Variants in RBFOX3 observed in about 807,000 individuals in gnomAD.
The protein encoded by RBFOX3 is RNA binding fox-1 homolog 3, also known as RNA binding protein fox-1 homolog 3.
A neutral mutation model predicts 48.7 loss-of-function variants in RBFOX3; 17 were observed. The observed-to-expected ratio is 0.35, with a 90% CI of 0.24 to 0.52. The LOEUF is 0.52. Ranked by LOEUF, RBFOX3 falls within the 20% of genes least tolerant of loss-of-function variation. RBFOX3 has a pLI of 0.94. For missense variants in RBFOX3, 382 were observed against 497.5 expected, an observed-to-expected ratio of 0.77 and a Z score of 2.21; for synonymous variants, 212 against 209.5, an observed-to-expected ratio of 1.01 and a Z score of -0.10.
In RBFOX3 at chr17:79,242,031, C is replaced by T. The variant is rs575942811; in HGVS notation, c.-73-6226G>A. ...CACACACAGCTTCCACGTATTCACTCGATTCTTTGCTTTCTTTCCTTCCAT... is the reference window on the plus strand; with the variant it reads ...CACACACAGCTTCCACGTATTCACTTGATTCTTTGCTTTCTTTCCTTCCAT... On this transcript the variant is annotated intron_variant, in intron 3 of 14. Coordinates refer to ENST00000693108, the MANE Select transcript of RBFOX3 (RefSeq NM_001350451.2). This position sits in a 1 kb window ranked among gnomAD's most constrained non-coding sequence, Gnocchi z 5.8. 3.9e-5 allele frequency among the ~76,000 whole-genome samples: 6 copies of T among 152,212 alleles called. No homozygotes were observed. The highest frequency in any genetic ancestry group is 7.2e-5 in the African/African-American group (3 of 41,440).
rs1448893621 is a variant in RBFOX3, at chr17:79,421,809, G to A, written c.-175+60645C>T. Among the ~76,000 whole-genome samples the A allele has an allele frequency of 1.3e-5, 2 of 152,278 alleles. No homozygotes were observed. Among genetic ancestry groups the A allele is most frequent in the East Asian group, 1.9e-4 (1 of 5,154 alleles). ...AGGCCTTGGGACAAGGGCAGAGAGA[G>A]AGAAGGGGAAGGAAGTGATCAGGTG... On this transcript the variant is annotated intron_variant, in intron 2 of 14. Coordinates refer to ENST00000693108, the MANE Select transcript of RBFOX3 (RefSeq NM_001350451.2). This position sits in a 1 kb window ranked among gnomAD's most constrained non-coding sequence, Gnocchi z 4.5.
chr17:79,500,535 G>T (rs1021132298), intron 1 of RBFOX3, among the ~76,000 whole-genome samples: 9 of 152,172 alleles, frequency 5.9e-5, no homozygotes, highest in Admixed American at 5.2e-4. Context: ...GGGATTAGAG[G>T]CATGAGCCAC....
At chr17:79,612,094 C>T (rs1004350851), upstream of RBFOX3, among the ~76,000 whole-genome samples, 3 of 152,204 alleles carry the variant, frequency 2.0e-5, no homozygotes, top group East Asian at 5.8e-4. Flanking sequence ...CAGCCCACCA[C>T]TGGCACACAA....
At chr17:79,611,170 CTCT>C (rs2093964409), upstream of RBFOX3, among the ~76,000 whole-genome samples, 2 of 29,818 alleles carry the variant, frequency 6.7e-5, no homozygotes, top group African/African-American at 2.6e-4. Context: ...CTCTCTCTCT[CTCT>C]CCGCCCTCCT....
At chr17:79,127,410 G>C (rs1382287974) in intron 4 of RBFOX3, among the ~76,000 whole-genome samples, 1 of 152,242 alleles carries the variant, frequency 6.6e-6, no homozygotes, top group Admixed American at 6.5e-5. Flanking sequence ...AGGGAGGAGA[G>C]GAGGTGGGAA....
At chr17:79,342,313 C>T (rs1433903297) in intron 2 of RBFOX3, among the ~76,000 whole-genome samples, 2 of 152,212 alleles carry the variant, frequency 1.3e-5, no homozygotes, top group African/African-American at 4.8e-5. Context: ...CCAACAACTG[C>T]ACTTTTAGAG....
chr17:79,357,344 G>C (rs2085352303), intron 2 of RBFOX3, among the ~76,000 whole-genome samples: 1 of 152,242 alleles, frequency 6.6e-6, no homozygotes, highest in Non-Finnish European at 1.5e-5. Context: ...AACTCTGAAA[G>C]AGGCTGGGAG....
rs971558113 is a variant in RBFOX3, at chr17:79,212,047, C to T, written c.-34+23719G>A. On this transcript the variant is annotated intron_variant, in intron 4 of 14. Transcript: ENST00000693108. The surrounding 1 kb of genome is among the most constrained non-coding windows in gnomAD (Gnocchi z 4.7). ...GGTCTCCTGGGGTCTTGGAAGACAA[C>T]CAGCCAGCACCCTCCCTCCTGGAGT... 1.3e-5 allele frequency among the ~76,000 whole-genome samples: 2 copies of T among 152,328 alleles called. No homozygotes were observed. The highest frequency in any genetic ancestry group is 1.9e-4 in the East Asian group (1 of 5,180).
the RBFOX3 span, among the ~76,000 whole-genome samples, chr17:79,618,532 T>C: frequency 6.6e-6 from 1 of 152,144 alleles, no homozygotes; most frequent in South Asian, 2.1e-4. Context: ...TCTGCAGAAG[T>C]AGAGTCCTTG....
intron 3 of RBFOX3, among the ~76,000 whole-genome samples, chr17:79,279,351 A>G (rs896936177): frequency 3.9e-5 from 6 of 152,180 alleles, no homozygotes; most frequent in Non-Finnish European, 7.3e-5. Flanking sequence ...TCCCTCCTCC[A>G]GTGCTTACAT....
At chr17:79,190,814 TG>T (rs1198490298) in intron 4 of RBFOX3, among the ~76,000 whole-genome samples, 2 of 152,028 alleles carry the variant, frequency 1.3e-5, no homozygotes, top group Non-Finnish European at 2.9e-5. Context: ...GACCAAAACT[TG>T]TAGAGCAAAG....
intron 1 of RBFOX3, among the ~76,000 whole-genome samples, chr17:79,608,131 G>C (rs910658520): frequency 1.3e-5 from 2 of 152,182 alleles, no homozygotes; most frequent in Non-Finnish European, 1.5e-5. Flanking sequence ...TGGAGGCCCC[G>C]GCCCTGTCCT....
At position 79,529,967 on chromosome 17, in the gene RBFOX3, G is replaced by A. The variant is rs554076901; in HGVS notation, c.-319-47369C>T. Reference sequence around the variant, plus strand: ...CAGCCACGTGGCTCTGAGAGGCTGAGACCATCTGGCCTGCCAGGCCTGGAA... The same window carrying A: ...CAGCCACGTGGCTCTGAGAGGCTGAAACCATCTGGCCTGCCAGGCCTGGAA... On this transcript the variant is annotated intron_variant, in intron 1 of 14. Coordinates refer to ENST00000693108, the MANE Select transcript of RBFOX3 (RefSeq NM_001350451.2). Among the ~76,000 whole-genome samples the A allele has an allele frequency of 1.6e-4, 25 of 152,346 alleles. No homozygotes were observed. In the East Asian group the frequency reaches 4.3e-3, roughly 26 times the overall value.
At chr17:79,276,946 C>G (rs1298713847) in intron 3 of RBFOX3, among the ~76,000 whole-genome samples, 1 of 152,182 alleles carries the variant, frequency 6.6e-6, no homozygotes, top group African/African-American at 2.4e-5. Context: ...AGCCAGCTCC[C>G]TGTGGCTCTA....
At chr17:79,384,085 A>G (rs982606585) in intron 2 of RBFOX3, among the ~76,000 whole-genome samples, 2 of 152,204 alleles carry the variant, frequency 1.3e-5, no homozygotes, top group Non-Finnish European at 2.9e-5. Context: ...CCACATGCCC[A>G]CAGCAAGGAG....
chr17:79,102,856 G>A (rs1214680250), intron 8 of RBFOX3, among the ~76,000 whole-genome samples: 2 of 152,218 alleles, frequency 1.3e-5, no homozygotes, highest in South Asian at 4.1e-4. Context: ...CCTTGAAGCT[G>A]CCAAGCCCCA....
the RBFOX3 span, among the ~76,000 whole-genome samples, chr17:79,616,115 A>G: frequency 6.6e-6 from 1 of 152,166 alleles, no homozygotes; most frequent in African/African-American, 2.4e-5. Context: ...TGTGAGGTCC[A>G]CAGATGGCCA....
intron 3 of RBFOX3, among the ~76,000 whole-genome samples, chr17:79,262,751 C>T (rs560451789): frequency 6.6e-6 from 1 of 152,260 alleles, no homozygotes; most frequent in Non-Finnish European, 1.5e-5. Flanking sequence ...GGCATGAGGA[C>T]AGCCAGGCCA....
intron 4 of RBFOX3, among the ~76,000 whole-genome samples, chr17:79,166,314 G>T (rs973568101): frequency 6.6e-6 from 1 of 152,208 alleles, no homozygotes; most frequent in African/African-American, 2.4e-5. Context: ...AGGAAAGGAG[G>T]CCCGGGCAGT....
Sources: gnomAD v4.1 joint callset for allele counts (sites outside exome capture counted in the v4.1 genomes callset) on GRCh38, gnomAD v4.1.1 for gene constraint, Gnocchi (gnomAD v3.1) non-coding constraint, MANE v1.5 for transcripts, NCBI Gene and HGNC (gene_info 2026-07-23, HGNC 2026-07-21) for gene names.